Variants in MYPN observed in about 807,000 individuals in gnomAD.
The protein encoded by MYPN is myopalladin.
MYPN carries 63 observed loss-of-function variants against 129.4 expected under a neutral mutation model. The observed-to-expected ratio is 0.49, with a 90% CI of 0.40 to 0.60. MYPN has a LOEUF of 0.60. Ranked by LOEUF, MYPN falls within the 20% of genes least tolerant of loss-of-function variation. The probability of loss-of-function intolerance (pLI) is 0.00; values close to 1 mark genes in which losing one functional copy is unlikely to be tolerated. For missense variants in MYPN, 1,596 were observed against 1,635.4 expected (o/e 0.98, Z 0.42); for synonymous variants, 629 against 600.9 (o/e 1.05, Z -0.68).
At chr10:68,122,982 T>G (rs888882390) in intron 2 of MYPN, among the ~76,000 whole-genome samples, 2 of 152,152 alleles carry the variant, frequency 1.3e-5, no homozygotes, top group African/African-American at 4.8e-5. Context: ...TAATAAGATA[T>G]TTTACATTAT....
In MYPN at chr10:68,152,982, T is replaced by TTTTA. The variant is rs1189988815; in HGVS notation, c.1317+2875_1317+2878dup. ...ATTTTATTTTATTTTATTTTATTTA[T>TTTTA]TTTATTTTATTTTATTTTATTTAGA... On this transcript the variant is annotated intron_variant, in intron 6 of 19. Transcript: ENST00000358913. 7.2e-3 allele frequency among the ~76,000 whole-genome samples: 467 copies of TTTTA among 64,770 alleles called. 1 individual carries two copies. Among genetic ancestry groups the TTTTA allele is most frequent in the African/African-American group, 0.015 (428 of 28,852 alleles). 42.5% of individuals were successfully genotyped at this position (64,770 alleles called of 152,430 possible).
At chr10:68,184,517 C>T (rs56704712) in intron 12 of MYPN, among the ~76,000 whole-genome samples, 4,442 of 152,256 alleles carry the variant, frequency 0.029, 227 homozygotes, top group African/African-American at 0.1. Flanking sequence ...CAACCTCTGC[C>T]TCCCGGGTTC....
intron 2 of MYPN, among the ~76,000 whole-genome samples, chr10:68,134,141 T>G (rs564387398): frequency 2.6e-5 from 4 of 152,068 alleles, no homozygotes; most frequent in African/African-American, 9.7e-5. Flanking sequence ...ACTAAAAAAT[T>G]CAAGATGTTC....
At chr10:68,139,558 G>T (rs547464419) in intron 2 of MYPN, among the ~76,000 whole-genome samples, 4 of 152,082 alleles carry the variant, frequency 2.6e-5, no homozygotes, top group African/African-American at 9.7e-5. Flanking sequence ...TTGTTTAATC[G>T]GACATCCAGT....
intron 6 of MYPN, chr10:68,158,282 C>G: frequency 3.5e-6 from 2 of 575,134 alleles, no homozygotes; most frequent in South Asian, 4.1e-5. Flanking sequence ...TAGGAGTAGC[C>G]ACGCTCGCCT....
At chr10:68,204,352 C>T (rs1224187535) in intron 18 of MYPN, among the ~76,000 whole-genome samples, 3 of 152,306 alleles carry the variant, frequency 2.0e-5, no homozygotes, top group Non-Finnish European at 2.9e-5. Flanking sequence ...AGCAATAGCA[C>T]CCTAATGTGT....
chr10:68,158,277 G>A, intron 6 of MYPN: 1 of 567,966 alleles, frequency 1.8e-6, no homozygotes, highest in Non-Finnish European at 3.1e-6. Flanking sequence ...GGGCATAGGA[G>A]TAGCCACGCT....
At chr10:68,100,051 A>C (rs934115781) in intron 1 of MYPN, among the ~76,000 whole-genome samples, 1 of 152,180 alleles carries the variant, frequency 6.6e-6, no homozygotes, top group African/African-American at 2.4e-5. Flanking sequence ...GAGGATAATG[A>C]TATAGTATAC....
At chr10:68,131,954 T>C (rs568237596) in intron 2 of MYPN, among the ~76,000 whole-genome samples, 2 of 152,354 alleles carry the variant, frequency 1.3e-5, no homozygotes, top group Admixed American at 1.3e-4. Flanking sequence ...TATGGAAATC[T>C]ATCTATAGAT....
chr10:68,106,684 G>A (rs1353561496), upstream of MYPN: 1 of 715,316 alleles, frequency 1.4e-6, no homozygotes, highest in Admixed American at 2.0e-5. Context: ...AATAGCAAAT[G>A]CAAACATTTT....
chr10:68,123,327 C>T (rs2042275446), intron 2 of MYPN, among the ~76,000 whole-genome samples: 1 of 151,788 alleles, frequency 6.6e-6, no homozygotes, highest in South Asian at 2.1e-4. Flanking sequence ...TGTAGTGAGC[C>T]GAGATCGCAC....
chr10:68,186,636 A>G (rs1202180079), intron 12 of MYPN, among the ~76,000 whole-genome samples: 1 of 152,120 alleles, frequency 6.6e-6, no homozygotes, highest in Non-Finnish European at 1.5e-5. Context: ...AGAAAAAGTG[A>G]TTGCTTCTAT....
intron 12 of MYPN, among the ~76,000 whole-genome samples, chr10:68,181,002 TC>T (rs1183088704): frequency 1.3e-5 from 2 of 152,230 alleles, no homozygotes; most frequent in Non-Finnish European, 2.9e-5. Flanking sequence ...ATAAAGCAAC[TC>T]TAATTCTATG....
chr10:68,142,849 A>G, intron 2 of MYPN, 91 bp from the exon 3 acceptor site: 2 of 1,246,298 alleles, frequency 1.6e-6, no homozygotes, highest in Admixed American at 1.7e-5. Context: ...TCTGACTTCA[A>G]ATGAAGCTCA....
intron 19 of MYPN, among the ~76,000 whole-genome samples, chr10:68,208,291 G>A (rs775992365): frequency 6.6e-6 from 1 of 152,130 alleles, no homozygotes; most frequent in Non-Finnish European, 1.5e-5. Flanking sequence ...ATTTATGGTT[G>A]CATAGCAGGT....
At chr10:68,204,579 A>G (rs2043779754) in intron 18 of MYPN, among the ~76,000 whole-genome samples, 1 of 152,056 alleles carries the variant, frequency 6.6e-6, no homozygotes, top group South Asian at 2.1e-4. Flanking sequence ...TTAGCCAGGC[A>G]TGGTGGCATG....
chr10:68,143,266 A>G (rs184901871), intron 3 of MYPN, 151 bp downstream of exon 3: 3 of 686,004 alleles, frequency 4.4e-6, no homozygotes, highest in Non-Finnish European at 7.4e-6. Flanking sequence ...ACTTAGGCTC[A>G]TTTACTGATA....
At chr10:68,177,400 A>G (rs527667297) in intron 12 of MYPN, among the ~76,000 whole-genome samples, 1 of 152,328 alleles carries the variant, frequency 6.6e-6, no homozygotes, top group East Asian at 1.9e-4. Context: ...ATCTTAGACT[A>G]CATTCCATGC....
intron 12 of MYPN, among the ~76,000 whole-genome samples, chr10:68,182,967 G>T (rs61854659): frequency 0.13 from 19,009 of 152,048 alleles, 1,578 homozygotes; most frequent in Middle Eastern, 0.2. Context: ...TGCTTCTGTA[G>T]TTCCTTTGGC....
Sources: gnomAD v4.1 joint callset for allele counts (sites outside exome capture counted in the v4.1 genomes callset) on GRCh38, gnomAD v4.1.1 for gene constraint, MANE v1.5 for transcripts, NCBI Gene and HGNC (gene_info 2026-07-23, HGNC 2026-07-21) for gene names.